RPRD1A: variants seen among roughly 807,000 people sequenced by gnomAD.
RPRD1A encodes the protein regulation of nuclear pre-mRNA domain containing 1A, also known as regulation of nuclear pre-mRNA domain-containing protein 1A.
A neutral mutation model predicts 37.8 loss-of-function variants in RPRD1A; 9 were observed. The observed-to-expected ratio is 0.24, with a 90% confidence interval of 0.14 to 0.42. The LOEUF (loss-of-function observed/expected upper bound fraction) is 0.42. Among genes scored for constraint, RPRD1A ranks in the 10% least tolerant of loss-of-function variants. RPRD1A has a pLI of 1.00. For synonymous variants in RPRD1A, 138 were observed against 139.7 expected (o/e 0.99, Z 0.08); for missense variants, 255 against 371.0 (o/e 0.69, Z 2.57).
At chr18:36,014,556 C>G (rs1055668945) in intron 6 of RPRD1A, among the ~76,000 whole-genome samples, 2 of 152,102 alleles carry the variant, frequency 1.3e-5, no homozygotes, top group African/African-American at 4.8e-5. Flanking sequence ...GGCTAACACA[C>G]GGTGAAACCC....
Position 36,067,473 on chromosome 18 carries a change from C to G in RPRD1A, c.-69G>C, listed in dbSNP as rs937405633. The G allele has an allele frequency of 2.0e-6, 3 of 1,497,906 alleles. No homozygotes were observed. The highest frequency in any genetic ancestry group is 4.0e-5 in the Admixed American group (2 of 49,614). 92.8% of individuals were successfully genotyped at this position (1,497,906 alleles called of 1,614,324 possible). A position where few individuals can be genotyped will look rare whatever the true frequency, so the allele number is the denominator to read the frequency against. ...GGGGAGGAGAGTTTCGCCGCCCTAG[C>G]TGCGGCCTCGCCCCCTCACCCCACC... On this transcript the variant is annotated 5_prime_UTR_variant, in exon 1 of 7. Transcript: ENST00000399022.
intron 4 of RPRD1A, among the ~76,000 whole-genome samples, chr18:36,030,217 G>A (rs1210563335): frequency 6.6e-6 from 1 of 151,372 alleles, no homozygotes; most frequent in Non-Finnish European, 1.5e-5. Context: ...GGGCACAGTG[G>A]CTCATGCCTA....
At chr18:36,030,970 A>C (rs1159962200) in intron 3 of RPRD1A, 21 bp downstream of exon 3, 5 of 1,593,092 alleles carry the variant, frequency 3.1e-6, no homozygotes, top group Non-Finnish European at 4.3e-6. Context: ...TCAAGGTAAG[A>C]GATCAGGATT....
intron 1 of RPRD1A, among the ~76,000 whole-genome samples, chr18:36,052,172 CTG>C (rs1474200143): frequency 1.0e-5 from 1 of 95,404 alleles, no homozygotes; most frequent in Admixed American, 9.5e-5. Context: ...AAAAAAAAAA[CTG>C]TCAACCAAGA....
At position 36,008,577 on chromosome 18, in the gene RPRD1A, G is replaced by GTGTGTATATGTATATATATATATA; in HGVS notation, c.790-15278_790-15277insTATATATATATATACATATACACA. Among the ~76,000 whole-genome samples the GTGTGTATATGTATATATATATATA allele has an allele frequency of 5.2e-4, 25 of 47,798 alleles. 1 individual carries two copies. The highest frequency in any genetic ancestry group is 2.2e-3 in the Admixed American group (8 of 3,558). 31.4% of individuals were successfully genotyped at this position (47,798 alleles called of 152,430 possible). A position where few individuals can be genotyped will look rare whatever the true frequency, so the allele number is the denominator to read the frequency against. ...GGCGACACAGCAAGACCTTGTGTGT[G>GTGTGTATATGTATATATATATATA]TATATATATATATCTTTAAAAATCT... On this transcript the variant is annotated intron_variant, in intron 6 of 6. Coordinates refer to ENST00000399022, the MANE Select transcript of RPRD1A (RefSeq NM_018170.5).
intron 6 of RPRD1A, among the ~76,000 whole-genome samples, chr18:36,022,280 G>C (rs1423872930): frequency 1.4e-4 from 22 of 152,202 alleles, no homozygotes. Context: ...GAAGCAGCAA[G>C]GGCTGAACTA....
chr18:36,020,927 G>A (rs1381916172), intron 6 of RPRD1A, among the ~76,000 whole-genome samples: 1 of 152,022 alleles, frequency 6.6e-6, no homozygotes, highest in African/African-American at 2.4e-5. Context: ...ACATGAAAAA[G>A]AAAGGACAGA....
intron 1 of RPRD1A, among the ~76,000 whole-genome samples, chr18:36,034,991 C>A (rs1384538552): frequency 6.6e-6 from 1 of 152,148 alleles, no homozygotes; most frequent in Non-Finnish European, 1.5e-5. Context: ...CTGTCTACCA[C>A]TTTTCATGAT....
At chr18:36,028,029 G>T (rs887498988) in intron 4 of RPRD1A, 33 of 151,978 alleles carry the variant, frequency 2.2e-4, no homozygotes, top group African/African-American at 8.0e-4. Context: ...CTCTTTGCTG[G>T]TGATTTCACA....
chr18:36,062,904 G>C (rs940999518), intron 1 of RPRD1A: 2 of 152,134 alleles, frequency 1.3e-5, no homozygotes, highest in Non-Finnish European at 2.9e-5. Flanking sequence ...CCACTGAATA[G>C]TATACTTTGA....
chr18:35,993,142 G>A lies in RPRD1A; in HGVS notation c.*9C>T. On this transcript the variant is annotated 3_prime_UTR_variant, in exon 7 of 7. Transcript: ENST00000399022. ...GCAAAGTCCTGGGACCTGGAAAGAG[G>A]CTGGTCCATCAATCTTCACTGTAGA... 1 of 1,612,416 alleles carries A rather than the reference G, an allele frequency of 6.2e-7. No homozygotes were observed. Among genetic ancestry groups the A allele is most frequent in the East Asian group, 2.2e-5 (1 of 44,836 alleles).
chr18:36,038,926 T>C (rs1019326920), intron 1 of RPRD1A, among the ~76,000 whole-genome samples: 5 of 152,336 alleles, frequency 3.3e-5, no homozygotes, highest in African/African-American at 1.2e-4. Context: ...ATACCTATGA[T>C]ACCCCCGTTG....
At chr18:36,044,558 C>T (rs1435398622) in intron 1 of RPRD1A, among the ~76,000 whole-genome samples, 11 of 151,936 alleles carry the variant, frequency 7.2e-5, no homozygotes. Flanking sequence ...CATGGTGGTG[C>T]ACACCTGTAA....
Position 36,005,300 on chromosome 18 carries a change from C to CA in RPRD1A, c.790-12001dup, listed in dbSNP as rs765754132. On this transcript the variant is annotated intron_variant, in intron 6 of 6. Transcript: ENST00000399022. ...TGGGCAACAGAGCGAGACTCTGTCT[C>CA]AAAAAAAATAAAATAAAAAAAAACT... Among the ~76,000 whole-genome samples, 917 of 149,526 alleles carry CA rather than the reference C, an allele frequency of 6.1e-3. 4 individuals are homozygous for CA. Among genetic ancestry groups the CA allele is most frequent in the Non-Finnish European group, 8.2e-3 (551 of 67,528 alleles).
chr18:35,992,701 C>T lies in RPRD1A; in HGVS notation c.*450G>A, dbSNP rs927824325. On this transcript the variant is annotated 3_prime_UTR_variant, in exon 7 of 7. Coordinates refer to ENST00000399022, the MANE Select transcript of RPRD1A (RefSeq NM_018170.5). ...TAAAGATTATGTTGGAACATTTAGT[C>T]CCTTCTACAATCAAGTCCTAACTAT... The T allele has an allele frequency of 6.5e-6, 1 of 152,688 alleles. No homozygotes were observed. Among genetic ancestry groups the T allele is most frequent in the African/African-American group, 2.4e-5 (1 of 41,420 alleles). 9.5% of individuals were successfully genotyped at this position (152,688 alleles called of 1,614,324 possible).
intron 1 of RPRD1A, among the ~76,000 whole-genome samples, chr18:36,060,930 A>G (rs936368331): frequency 6.6e-6 from 1 of 152,040 alleles, no homozygotes; most frequent in African/African-American, 2.4e-5. Context: ...AGAGTTCAAG[A>G]GCAGCCTCGG....
chr18:36,050,187 A>G (rs908373019), intron 1 of RPRD1A, among the ~76,000 whole-genome samples: 2 of 152,004 alleles, frequency 1.3e-5, no homozygotes, highest in Non-Finnish European at 1.5e-5. Flanking sequence ...AATGTACTTA[A>G]CGCCACCGAA....
At chr18:36,031,738 C>T (rs539196664) in intron 2 of RPRD1A, among the ~76,000 whole-genome samples, 252 of 152,282 alleles carry the variant, frequency 1.7e-3, no homozygotes, top group Non-Finnish European at 1.4e-3. Flanking sequence ...AGTCTTCTCA[C>T]GCTCTCCCAG....
chr18:36,008,750 C>T (rs998263118), intron 6 of RPRD1A, among the ~76,000 whole-genome samples: 3 of 151,496 alleles, frequency 2.0e-5, no homozygotes, highest in African/African-American at 7.3e-5. Flanking sequence ...TAGAGCACCA[C>T]TTACTACATC....
Sources: allele counts gnomAD v4.1 joint callset (sites outside exome capture counted in the v4.1 genomes callset), GRCh38; gene constraint gnomAD v4.1.1; transcripts MANE v1.5; gene names NCBI Gene and HGNC (gene_info 2026-07-23, HGNC 2026-07-21).